Variants in NPAS3 observed in about 807,000 individuals in gnomAD.
NPAS3 encodes neuronal PAS domain-containing protein 3.
Under a neutral mutation model 73.1 loss-of-function variants are expected in NPAS3, and 14 were observed. The ratio of observed to expected loss-of-function variants is 0.19; its 90% confidence interval spans 0.13 to 0.30. The LOEUF (loss-of-function observed/expected upper bound fraction) is 0.30. Among genes scored for constraint, NPAS3 ranks in the 10% least tolerant of loss-of-function variants. The pLI, the probability that NPAS3 is intolerant of heterozygous loss-of-function variation, is 1.00. For missense variants in NPAS3, 1,096 were observed against 1,250.0 expected, an observed-to-expected ratio of 0.88 and a Z score of 1.86; for synonymous variants, 620 against 541.5, an observed-to-expected ratio of 1.14 and a Z score of -2.01.
chr14:33,100,626 A>G (rs995451168), intron 2 of NPAS3, among the ~76,000 whole-genome samples: 6 of 152,188 alleles, frequency 3.9e-5, no homozygotes, highest in African/African-American at 1.4e-4. Flanking sequence ...AACTTAAAGG[A>G]AAACTTCACT....
intron 4 of NPAS3, among the ~76,000 whole-genome samples, chr14:33,399,948 CA>C (rs2047380961): frequency 6.6e-6 from 1 of 152,006 alleles, no homozygotes; most frequent in Non-Finnish European, 1.5e-5. Context: ...AAAACAGAAA[CA>C]AAACTCATAT....
intron 4 of NPAS3, among the ~76,000 whole-genome samples, chr14:33,487,409 A>G (rs1272962174): frequency 6.6e-6 from 1 of 152,218 alleles, no homozygotes; most frequent in East Asian, 1.9e-4. Flanking sequence ...AAGTGTGTAT[A>G]TCAATATCAG....
At chr14:33,210,416 A>G (rs2046987988) in intron 2 of NPAS3, among the ~76,000 whole-genome samples, 1 of 152,092 alleles carries the variant, frequency 6.6e-6, no homozygotes, top group Non-Finnish European at 1.5e-5. Flanking sequence ...AAAGAATTTC[A>G]TGATTTGACC....
At chr14:33,139,371 T>G (rs2043960176) in intron 2 of NPAS3, among the ~76,000 whole-genome samples, 1 of 152,216 alleles carries the variant, frequency 6.6e-6, no homozygotes, top group African/African-American at 2.4e-5. Context: ...TTCACTACAT[T>G]GTTACTTCCA....
At chr14:33,391,724 G>A (rs764416438) in intron 4 of NPAS3, among the ~76,000 whole-genome samples, 19 of 152,144 alleles carry the variant, frequency 1.2e-4, no homozygotes, top group South Asian at 2.1e-4. Flanking sequence ...CGCACAAAGT[G>A]AGGCCAATGG....
At chr14:33,215,735 A>G (rs2047200107) in intron 3 of NPAS3, 2 of 618,692 alleles carry the variant, frequency 3.2e-6, no homozygotes, top group Non-Finnish European at 5.7e-6. Flanking sequence ...ACCATTACAT[A>G]CAAATTCTTC....
chr14:33,148,545 T>G (rs2044328175), intron 2 of NPAS3, among the ~76,000 whole-genome samples: 2 of 152,228 alleles, frequency 1.3e-5, no homozygotes, highest in South Asian at 4.1e-4. Flanking sequence ...TTTTGCATTC[T>G]TAATTGTGAT....
chr14:33,178,770 A>G (rs1455080477), intron 2 of NPAS3, among the ~76,000 whole-genome samples: 3 of 152,120 alleles, frequency 2.0e-5, no homozygotes, highest in Non-Finnish European at 4.4e-5. Flanking sequence ...GTGAACAAAG[A>G]TAGTTTTACT....
At chr14:33,655,003 G>A (rs1014469301) in intron 5 of NPAS3, among the ~76,000 whole-genome samples, 2 of 152,182 alleles carry the variant, frequency 1.3e-5, no homozygotes, top group Non-Finnish European at 2.9e-5. Flanking sequence ...TTACACACAC[G>A]ATCTCATTCA....
chr14:33,756,087 A>T (rs1414862571), intron 7 of NPAS3, among the ~76,000 whole-genome samples: 1 of 152,232 alleles, frequency 6.6e-6, no homozygotes, highest in Non-Finnish European at 1.5e-5. Context: ...TGGTGAGGGC[A>T]AATACCCAAA....
At chr14:33,289,548 C>T (rs570640381) in intron 3 of NPAS3, among the ~76,000 whole-genome samples, 13 of 152,186 alleles carry the variant, frequency 8.5e-5, no homozygotes, top group South Asian at 2.1e-4. Flanking sequence ...TGGCCAGGTG[C>T]GGCGGCTCAT....
intron 3 of NPAS3, among the ~76,000 whole-genome samples, chr14:33,359,233 C>T (rs972216731): frequency 1.1e-4 from 16 of 152,198 alleles, no homozygotes; most frequent in Admixed American, 2.0e-4. Context: ...CTGTTTCCTG[C>T]AGAACCAACG....
chr14:33,638,194 T>G (rs1184770001), intron 5 of NPAS3, among the ~76,000 whole-genome samples: 1 of 152,224 alleles, frequency 6.6e-6, no homozygotes, highest in Non-Finnish European at 1.5e-5. Flanking sequence ...AATTTTTCCT[T>G]TTTATATTAC....
chr14:33,290,528 G>A (rs1011466646), intron 3 of NPAS3, among the ~76,000 whole-genome samples: 8 of 152,168 alleles, frequency 5.3e-5, no homozygotes, highest in Non-Finnish European at 7.4e-5. Flanking sequence ...ATGCCAGCAG[G>A]CAGCTGTGTG....
At chr14:33,619,082 T>G (rs978126716) in intron 5 of NPAS3, among the ~76,000 whole-genome samples, 8 of 152,236 alleles carry the variant, frequency 5.3e-5, no homozygotes, top group African/African-American at 1.7e-4. Flanking sequence ...CTTTATATAC[T>G]TTAACGTATA....
chr14:33,624,208 G>A (rs1482064176), intron 5 of NPAS3, among the ~76,000 whole-genome samples: 1 of 152,184 alleles, frequency 6.6e-6, no homozygotes, highest in Admixed American at 6.5e-5. Flanking sequence ...GGGAAACTTT[G>A]TTTTGTTCCC....
At chr14:33,626,274 G>T (rs555698115) in intron 5 of NPAS3, among the ~76,000 whole-genome samples, 1 of 152,240 alleles carries the variant, frequency 6.6e-6, no homozygotes, top group African/African-American at 2.4e-5. Flanking sequence ...TACCTTTAGA[G>T]GGGGACTGCA....
At chr14:32,991,057 C>T (rs2038315263) in intron 1 of NPAS3, among the ~76,000 whole-genome samples, 1 of 151,942 alleles carries the variant, frequency 6.6e-6, no homozygotes, top group African/African-American at 2.4e-5. Flanking sequence ...TAGTTATATA[C>T]AGTCCTGGGC....
chr14:33,489,920 A>G (rs2139802610), intron 4 of NPAS3, among the ~76,000 whole-genome samples: 1 of 152,268 alleles, frequency 6.6e-6, no homozygotes, highest in South Asian at 2.1e-4. Flanking sequence ...ATCTGTTCAA[A>G]TCTAGAGTTC....
Sources: gnomAD v4.1 joint callset for allele counts (sites outside exome capture counted in the v4.1 genomes callset) on GRCh38, gnomAD v4.1.1 for gene constraint, MANE v1.5 for transcripts, NCBI Gene and HGNC (gene_info 2026-07-23, HGNC 2026-07-21) for gene names.